ERC2: variants seen among roughly 807,000 people sequenced by gnomAD.
ERC2 encodes ELKS/RAB6-interacting/CAST family member 2, also known as ERC protein 2.
In ERC2, 42 loss-of-function variants were observed where a neutral mutation model predicts 114.8. The observed-to-expected ratio is 0.37, with a 90% CI of 0.29 to 0.47. ERC2 has a LOEUF of 0.47. Among genes scored for constraint, ERC2 ranks in the 20% least tolerant of loss-of-function variants. ERC2 has a pLI of 0.99. For synonymous variants in ERC2, 454 were observed against 425.5 expected (o/e 1.07, Z -0.82); for missense variants, 939 against 1,150.7 (o/e 0.82, Z 2.66).
intron 2 of ERC2, among the ~76,000 whole-genome samples, chr3:56,354,668 T>C (rs9813982): frequency 4.5e-4 from 69 of 152,348 alleles, no homozygotes; most frequent in African/African-American, 1.6e-3. Context: ...AGGAACTACA[T>C]GATACCCATG....
At chr3:56,329,140 T>G (rs1386613072) in intron 2 of ERC2, among the ~76,000 whole-genome samples, 1 of 152,164 alleles carries the variant, frequency 6.6e-6, no homozygotes, top group African/African-American at 2.4e-5. Flanking sequence ...AAAAGCAAAA[T>G]CTTTTGCAAA....
At chr3:55,624,788 C>T (rs1343526970) in intron 17 of ERC2, among the ~76,000 whole-genome samples, 2 of 151,880 alleles carry the variant, frequency 1.3e-5, no homozygotes, top group African/African-American at 4.8e-5. Flanking sequence ...TCTGTGGTGT[C>T]GGTATGATAA....
chr3:55,638,745 C>T (rs936409723), intron 17 of ERC2, among the ~76,000 whole-genome samples: 1 of 152,182 alleles, frequency 6.6e-6, no homozygotes, highest in Admixed American at 6.5e-5. Context: ...AATTGACTTC[C>T]TTAAGGGTGG....
chr3:55,567,980 G>A (rs1338918938), intron 17 of ERC2, among the ~76,000 whole-genome samples: 2 of 152,186 alleles, frequency 1.3e-5, no homozygotes, highest in African/African-American at 4.8e-5. Flanking sequence ...GCTGTTTTCA[G>A]TGGTTTTTCA....
chr3:55,648,256 G>A (rs577460792), intron 17 of ERC2, among the ~76,000 whole-genome samples: 6 of 152,188 alleles, frequency 3.9e-5, no homozygotes, highest in African/African-American at 7.2e-5. Flanking sequence ...AAAATCAAAC[G>A]CATGGACTTG....
At chr3:55,958,079 G>A (rs989225065) in intron 12 of ERC2, among the ~76,000 whole-genome samples, 2 of 152,200 alleles carry the variant, frequency 1.3e-5, no homozygotes, top group Admixed American at 6.5e-5. Context: ...GACAACTGGA[G>A]GGTGAGCAAG....
At chr3:56,419,076 G>A (rs571526548) in intron 2 of ERC2, among the ~76,000 whole-genome samples, 2 of 152,306 alleles carry the variant, frequency 1.3e-5, no homozygotes, top group Admixed American at 1.3e-4. Context: ...ATAGAAAAAG[G>A]AAATGAACCT....
At chr3:55,878,625 C>T (rs1276833769) in intron 14 of ERC2, among the ~76,000 whole-genome samples, 3 of 152,170 alleles carry the variant, frequency 2.0e-5, no homozygotes, top group African/African-American at 4.8e-5. Flanking sequence ...ATATATGAGC[C>T]TCAGTGTCTC....
At chr3:56,007,365 A>G in intron 9 of ERC2, 44 bp from the exon 10 acceptor site, 1 of 1,539,598 alleles carries the variant, frequency 6.5e-7, no homozygotes, top group South Asian at 1.2e-5. Flanking sequence ...TGAAATTTCT[A>G]CTAGCAATGC....
At chr3:56,162,703 T>C (rs576250525) in intron 4 of ERC2, among the ~76,000 whole-genome samples, 1 of 152,162 alleles carries the variant, frequency 6.6e-6, no homozygotes, top group Non-Finnish European at 1.5e-5. Flanking sequence ...TCTTCTGTAA[T>C]TCTGTGGGAT....
intron 13 of ERC2, among the ~76,000 whole-genome samples, chr3:55,949,024 G>T (rs2067308095): frequency 6.6e-6 from 1 of 152,112 alleles, no homozygotes. Flanking sequence ...TTGTTTTACG[G>T]AATAATACAC....
intron 17 of ERC2, among the ~76,000 whole-genome samples, chr3:55,666,535 G>A (rs1023479162): frequency 2.0e-5 from 3 of 152,214 alleles, no homozygotes; most frequent in Non-Finnish European, 4.4e-5. Context: ...GGAATGACAT[G>A]TAGGGGAAAA....
intron 14 of ERC2, among the ~76,000 whole-genome samples, chr3:55,776,375 G>A (rs1035982372): frequency 2.0e-5 from 3 of 152,052 alleles, no homozygotes; most frequent in Non-Finnish European, 4.4e-5. Context: ...AAATACTTAG[G>A]TACATAATGT....
intron 14 of ERC2, among the ~76,000 whole-genome samples, chr3:55,769,425 C>A: frequency 6.6e-6 from 1 of 151,866 alleles, no homozygotes; most frequent in East Asian, 2.0e-4. Context: ...CTGAGCACAT[C>A]TTAGGGGGAA....
intron 14 of ERC2, among the ~76,000 whole-genome samples, chr3:55,818,851 G>A (rs2060002082): frequency 2.6e-5 from 4 of 152,184 alleles, no homozygotes; most frequent in Admixed American, 2.6e-4. Flanking sequence ...GAAGGAATAC[G>A]TTTAATATTT....
chr3:55,637,784 T>G (rs967969267), intron 17 of ERC2, among the ~76,000 whole-genome samples: 9 of 152,162 alleles, frequency 5.9e-5, no homozygotes, highest in Admixed American at 5.2e-4. Context: ...TTATTACATA[T>G]TTGTAGAATT....
chr3:55,970,520 T>G (rs997914449), intron 12 of ERC2, among the ~76,000 whole-genome samples: 2 of 152,020 alleles, frequency 1.3e-5, no homozygotes, highest in Non-Finnish European at 2.9e-5. Flanking sequence ...TAATTAAACA[T>G]GGGCACAGAA....
intron 2 of ERC2, among the ~76,000 whole-genome samples, chr3:56,326,959 C>T (rs1260271243): frequency 6.6e-6 from 1 of 152,194 alleles, no homozygotes; most frequent in Non-Finnish European, 1.5e-5. Context: ...GTCTGGATTC[C>T]ACTTATATTA....
At chr3:56,078,032 T>A (rs1224267796) in intron 7 of ERC2, among the ~76,000 whole-genome samples, 1 of 151,844 alleles carries the variant, frequency 6.6e-6, no homozygotes, top group Admixed American at 6.6e-5. Context: ...AAATGAAAAA[T>A]CTTCTTCTGA....
Sources: allele counts gnomAD v4.1 joint callset (sites outside exome capture counted in the v4.1 genomes callset), GRCh38; gene constraint gnomAD v4.1.1; transcripts MANE v1.5; gene names NCBI Gene and HGNC (gene_info 2026-07-23, HGNC 2026-07-21).